The following CAMKMT variants were observed in gnomAD, a reference collection of about 807,000 sequenced individuals.
CAMKMT encodes the protein calmodulin-lysine N-methyltransferase.
CAMKMT carries 53 observed loss-of-function variants against 48.0 expected under a neutral mutation model. The ratio of observed to expected loss-of-function variants is 1.10; its 90% CI spans 0.89 to 1.39. The LOEUF (loss-of-function observed/expected upper bound fraction) is 1.39. CAMKMT is among the 40% of genes most tolerant of loss of function. CAMKMT has a pLI of 0.00. For synonymous variants in CAMKMT, 165 were observed against 152.3 expected (o/e 1.08, Z -0.61); for missense variants, 428 against 402.7 (o/e 1.06, Z -0.54).
intron 3 of CAMKMT, among the ~76,000 whole-genome samples, chr2:44,536,157 G>T (rs961920612): frequency 6.6e-6 from 1 of 152,084 alleles, no homozygotes; most frequent in Non-Finnish European, 1.5e-5. Context: ...CAAAGGAAGT[G>T]AAAGACCTGT....
At chr2:44,430,067 A>T (rs530748702) in intron 3 of CAMKMT, among the ~76,000 whole-genome samples, 1 of 151,924 alleles carries the variant, frequency 6.6e-6, no homozygotes, top group Non-Finnish European at 1.5e-5. Context: ...GATACTTTCA[A>T]TGGGCTTTCG....
At chr2:44,581,771 C>T (rs1446314573) in intron 3 of CAMKMT, among the ~76,000 whole-genome samples, 4 of 152,158 alleles carry the variant, frequency 2.6e-5, no homozygotes, top group Admixed American at 1.3e-4. Context: ...GAGGCTGAGG[C>T]GGGTGGATCA....
chr2:44,600,128 T>A (rs1670896693), intron 3 of CAMKMT, among the ~76,000 whole-genome samples: 1 of 152,104 alleles, frequency 6.6e-6, no homozygotes, highest in South Asian at 2.1e-4. Flanking sequence ...TATCATTGAA[T>A]TGAAATGGGA....
chr2:44,651,138 G>A (rs998503567), intron 3 of CAMKMT, among the ~76,000 whole-genome samples: 1 of 152,180 alleles, frequency 6.6e-6, no homozygotes, highest in Non-Finnish European at 1.5e-5. Context: ...TACATCCAGA[G>A]CTATAAAATG....
intron 3 of CAMKMT, among the ~76,000 whole-genome samples, chr2:44,589,977 G>T (rs1345684657): frequency 2.8e-5 from 4 of 140,912 alleles, no homozygotes; most frequent in African/African-American, 1.1e-4. Context: ...ACTGTTATTT[G>T]TGTATTGACC....
intron 3 of CAMKMT, among the ~76,000 whole-genome samples, chr2:44,413,628 G>T (rs1477522047): frequency 4.6e-5 from 7 of 151,288 alleles, no homozygotes; most frequent in South Asian, 2.1e-4. Context: ...CTTAAGTCAG[G>T]GTGACAGAGT....
At chr2:44,373,688 T>C (rs887435275) in intron 2 of CAMKMT, among the ~76,000 whole-genome samples, 8 of 152,222 alleles carry the variant, frequency 5.3e-5, no homozygotes, top group African/African-American at 1.9e-4. Flanking sequence ...AGGGTATCTT[T>C]TTATAGTATA....
At chr2:44,444,494 G>T (rs1666861971) in intron 3 of CAMKMT, among the ~76,000 whole-genome samples, 1 of 152,184 alleles carries the variant, frequency 6.6e-6, no homozygotes. Context: ...AGAGCCTTCT[G>T]ACACTTCCCA....
intron 3 of CAMKMT, among the ~76,000 whole-genome samples, chr2:44,442,768 T>C (rs1067351): frequency 0.8 from 121,327 of 152,170 alleles, 48,796 homozygotes; most frequent in African/African-American, 0.9. Context: ...GCACTAGGCA[T>C]CTACTGTAAT....
At chr2:44,606,345 C>T (rs1362722312) in intron 3 of CAMKMT, among the ~76,000 whole-genome samples, 1 of 152,152 alleles carries the variant, frequency 6.6e-6, no homozygotes, top group Admixed American at 6.5e-5. Context: ...CTCAAAATGA[C>T]AAATATCTTT....
intron 3 of CAMKMT, among the ~76,000 whole-genome samples, chr2:44,659,372 A>G (rs922139497): frequency 6.6e-6 from 1 of 152,054 alleles, no homozygotes; most frequent in Non-Finnish European, 1.5e-5. Context: ...GGCTGCAGTG[A>G]GCTGTGATTA....
At chr2:44,733,697 A>G (rs976321531) in intron 7 of CAMKMT, among the ~76,000 whole-genome samples, 4 of 152,076 alleles carry the variant, frequency 2.6e-5, no homozygotes, top group African/African-American at 9.7e-5. Context: ...TGAGATGATC[A>G]TATGTTTTTT....
intron 6 of CAMKMT, among the ~76,000 whole-genome samples, chr2:44,711,327 A>G (rs1677865157): frequency 6.6e-6 from 1 of 152,222 alleles, no homozygotes; most frequent in Non-Finnish European, 1.5e-5. Context: ...TAAAGATACA[A>G]TAGTGAACAA....
chr2:44,712,006 A>C (rs77577074), intron 6 of CAMKMT, among the ~76,000 whole-genome samples: 1 of 152,128 alleles, frequency 6.6e-6, no homozygotes, highest in Non-Finnish European at 1.5e-5. Flanking sequence ...ATTTCCTTAC[A>C]TGCTCTGGAA....
intron 3 of CAMKMT, among the ~76,000 whole-genome samples, chr2:44,455,184 G>C (rs1667494757): frequency 6.6e-6 from 1 of 151,972 alleles, no homozygotes; most frequent in Non-Finnish European, 1.5e-5. Context: ...GGTTATTTGT[G>C]AGGAGGAAAC....
chr2:44,491,847 T>A (rs1446984785), intron 3 of CAMKMT, among the ~76,000 whole-genome samples: 1 of 152,228 alleles, frequency 6.6e-6, no homozygotes, highest in African/African-American at 2.4e-5. Flanking sequence ...TTTGAAGGTA[T>A]CAACAAATTT....
intron 3 of CAMKMT, among the ~76,000 whole-genome samples, chr2:44,545,922 A>G (rs757466700): frequency 2.5e-4 from 38 of 152,080 alleles, no homozygotes; most frequent in Non-Finnish European, 4.4e-4. Context: ...TCCTTTGATG[A>G]ACAAGCTATA....
intron 3 of CAMKMT, among the ~76,000 whole-genome samples, chr2:44,674,649 G>A (rs1431086830): frequency 6.6e-6 from 1 of 152,150 alleles, no homozygotes; most frequent in Admixed American, 6.5e-5. Context: ...AAGTGTTCAG[G>A]TGTCAAAATG....
At chr2:44,518,658 C>G (rs3795861) in intron 3 of CAMKMT, among the ~76,000 whole-genome samples, 2 of 152,196 alleles carry the variant, frequency 1.3e-5, no homozygotes, top group East Asian at 3.9e-4. Flanking sequence ...AAAGCTATTT[C>G]TCTCCCACTC....
Sources: allele counts gnomAD v4.1 joint callset (sites outside exome capture counted in the v4.1 genomes callset), GRCh38; gene constraint gnomAD v4.1.1; transcripts MANE v1.5; gene names NCBI Gene and HGNC (gene_info 2026-07-23, HGNC 2026-07-21).